CCZ1B: variants seen among roughly 807,000 people sequenced by gnomAD.
CCZ1B encodes the protein vacuolar fusion protein CCZ1 homolog B.
In CCZ1B, 25 loss-of-function variants were observed where a neutral mutation model predicts 58.8. The ratio of observed to expected loss-of-function variants is 0.43; its 90% CI spans 0.31 to 0.59. The LOEUF (loss-of-function observed/expected upper bound fraction) is 0.59. Ranked by LOEUF, CCZ1B falls within the 20% of genes least tolerant of loss-of-function variation. The pLI is 0.12. For synonymous variants in CCZ1B, 66 were observed against 173.2 expected (o/e 0.38, Z 4.86); for missense variants, 180 against 501.5 (o/e 0.36, Z 6.12).
Position 6,811,996 on chromosome 7 carries a change from T to G in CCZ1B, c.910A>C (p.Asn304His). ...AKCRFPKIFV[N>H]TDDTYEELHL... Reference sequence around the variant, plus strand: ...AGCTCTTCATAAGTGTCATCTGTATTTACAAAAATTTTGGGGAATCTGCAT... The same window carrying G: ...AGCTCTTCATAAGTGTCATCTGTATGTACAAAAATTTTGGGGAATCTGCAT... The change falls in exon 10 of 15, where the codon AAT becomes CAT. Residue 304 changes from asparagine (N) to histidine (H), a missense_variant. By Grantham distance (68) the Asn-to-His change is moderately conservative (BLOSUM62 1). Coordinates refer to ENST00000316731, the MANE Select transcript of CCZ1B (RefSeq NM_198097.5). 1 of 1,581,112 alleles carries G rather than the reference T, an allele frequency of 6.3e-7. No individual in the cohort carries two copies. Among genetic ancestry groups the G allele is most frequent in the Non-Finnish European group, 8.6e-7 (1 of 1,158,180 alleles).
intron 8 of CCZ1B, among the ~76,000 whole-genome samples, chr7:6,813,407 G>C (rs151196650): frequency 6.7e-6 from 1 of 149,396 alleles, no homozygotes; most frequent in African/African-American, 2.5e-5. Context: ...GCAACATGAC[G>C]AGATCCCATC....
At chr7:6,818,909 G>A (rs1273189070) in intron 7 of CCZ1B, among the ~76,000 whole-genome samples, 1 of 148,158 alleles carries the variant, frequency 6.7e-6, no homozygotes, top group African/African-American at 2.6e-5. Flanking sequence ...CCTACTGCAG[G>A]ACACAAACCT....
At position 6,824,628 on chromosome 7, in the gene CCZ1B, T is replaced by G; in HGVS notation, c.218+12A>C. On this transcript the variant is annotated intron_variant, in intron 2 of 14. Coordinates refer to ENST00000316731, the MANE Select transcript of CCZ1B (RefSeq NM_198097.5). ...ATTCACTGAACGCTAAAGGCACACT[T>G]AGAGGTATTACCTTGTAAACTGTAC... 1 of 1,612,456 alleles carries G rather than the reference T, an allele frequency of 6.2e-7. No homozygotes were observed.
At chr7:6,821,613 C>A (rs1376371465) in intron 6 of CCZ1B, among the ~76,000 whole-genome samples, 1 of 151,278 alleles carries the variant, frequency 6.6e-6, no homozygotes, top group Non-Finnish European at 1.5e-5. Context: ...CTAGGCTAGG[C>A]GAGTTGGCTC....
intron 10 of CCZ1B, among the ~76,000 whole-genome samples, chr7:6,807,849 C>T (rs1782856705): frequency 4.6e-5 from 5 of 109,398 alleles, no homozygotes. Context: ...CAATGACCTT[C>T]AGCAGGATAT....
At position 6,819,944 on chromosome 7, in the gene CCZ1B, G is replaced by T. The variant is rs551512683; in HGVS notation, c.523-3C>A. On this transcript the variant is annotated splice_polypyrimidine_tract_variant and splice_region_variant and intron_variant, in intron 6 of 14. Transcript: ENST00000316731. The stretch of plus-strand genomic sequence containing the variant: ...TGCAAATGTAGCGTTTGCAAATACT[G>T]TGGAAAAAAAATAAGGCATAAAATT... The T allele has an allele frequency of 1.2e-6, 2 of 1,606,074 alleles. No homozygotes were observed. Among genetic ancestry groups the T allele is most frequent in the East Asian group, 4.5e-5 (2 of 44,852 alleles).
At position 6,814,828 on chromosome 7, in the gene CCZ1B, T is replaced by C. The variant is rs1305370976; in HGVS notation, c.716A>G (p.Asp239Gly). 40 of 1,606,230 alleles carry C rather than the reference T, an allele frequency of 2.5e-5. 1 individual carries two copies. Among genetic ancestry groups the C allele is most frequent in the African/African-American group, 4.2e-5 (3 of 71,432 alleles). ...DQLIWSGLEQDDMRILYKYLT... is the reference protein window; with the variant it reads ...DQLIWSGLEQGDMRILYKYLT... ...GTATTTGTATAAAATTCTCATGTCA[T>C]CTTGTTCTAATCCACTCCTGCAACA... is the stretch of plus-strand genomic sequence containing the variant. Residue 239 changes from aspartate to glycine, a missense_variant, in exon 8 of 15, where the codon GAT becomes GGT. Coordinates refer to ENST00000316731, the MANE Select transcript of CCZ1B (RefSeq NM_198097.5).
At chr7:6,821,477 G>C (rs1384627470) in intron 6 of CCZ1B, among the ~76,000 whole-genome samples, 2 of 152,306 alleles carry the variant, frequency 1.3e-5, no homozygotes, top group Admixed American at 6.5e-5. Flanking sequence ...ACAAAGAAAA[G>C]TAATTCAGAG....
intron 10 of CCZ1B, among the ~76,000 whole-genome samples, chr7:6,810,089 G>A (rs1423114380): frequency 6.6e-6 from 1 of 150,476 alleles, no homozygotes; most frequent in Non-Finnish European, 1.5e-5. Flanking sequence ...TCAGCTCACT[G>A]CAACCTCCGC....
At position 6,821,882 on chromosome 7, in the gene CCZ1B, G is replaced by A. The variant is rs1233078753; in HGVS notation, c.522+399C>T. 2.7e-5 allele frequency among the ~76,000 whole-genome samples: 4 copies of A among 149,702 alleles called. 1 individual carries two copies. The East Asian group carries it at 5.8e-4, about 22-fold the overall frequency. ...TCTTACCTACATCAAGACAGTTTAC[G>A]CCCGTTTAGTGAACAGAACCAATCC... is the stretch of plus-strand genomic sequence containing the variant. On this transcript the variant is annotated intron_variant, in intron 6 of 14. Coordinates refer to ENST00000316731, the MANE Select transcript of CCZ1B (RefSeq NM_198097.5).
At chr7:6,810,104 C>T (rs201814537) in intron 10 of CCZ1B, among the ~76,000 whole-genome samples, 11,387 of 149,284 alleles carry the variant, frequency 0.076, 105 homozygotes, top group East Asian at 0.23. Flanking sequence ...CTCCGCCTCG[C>T]GGGTACAAGT....
chr7:6,824,983 TAAG>T (rs3216989), intron 1 of CCZ1B, among the ~76,000 whole-genome samples: 6 of 149,432 alleles, frequency 4.0e-5, no homozygotes, highest in South Asian at 2.1e-4. Flanking sequence ...TTATTTAAAA[TAAG>T]AAGAAGAACA....
intron 12 of CCZ1B, among the ~76,000 whole-genome samples, chr7:6,804,282 G>A (rs1354248318): frequency 8.1e-6 from 1 of 123,416 alleles, no homozygotes; most frequent in Admixed American, 9.2e-5. Flanking sequence ...AAGGAGCCGG[G>A]CATGGTGGTG....
At chr7:6,810,338 T>C (rs1782900080) in intron 10 of CCZ1B, among the ~76,000 whole-genome samples, 2 of 149,176 alleles carry the variant, frequency 1.3e-5, no homozygotes, top group Non-Finnish European at 3.0e-5. Flanking sequence ...GTCTTATCTG[T>C]GGTTGACAGC....
rs147596025 is a variant in CCZ1B at position 6,823,335 on chromosome 7, C to T, written c.416G>A (p.Arg139Gln). 5,411 of 1,607,554 alleles carry T rather than the reference C, an allele frequency of 3.4e-3. 67 individuals are homozygous for T. The highest frequency in any genetic ancestry group is 4.4e-3 in the Non-Finnish European group (5,214 of 1,177,686). ...TACCTTGTACATGCTGTAGCACTGCCGCAGCACCGAGCTATAAACCTTGTC... is the reference window on the plus strand; with the variant it reads ...TACCTTGTACATGCTGTAGCACTGCTGCAGCACCGAGCTATAAACCTTGTC... The part of the protein sequence containing the change: ...LLDKVYSSVL[R>Q]QCYSMYKLFN... The change falls in exon 5 of 15, where the codon CGG becomes CAG. Residue 139 changes from arginine (R) to glutamine (Q), a missense_variant. By Grantham distance (43) the Arg-to-Gln change is conservative. Coordinates refer to ENST00000316731, the MANE Select transcript of CCZ1B (RefSeq NM_198097.5).
intron 7 of CCZ1B, among the ~76,000 whole-genome samples, chr7:6,815,299 G>A (rs1782983295): frequency 6.7e-6 from 1 of 148,234 alleles, no homozygotes; most frequent in African/African-American, 2.6e-5. Flanking sequence ...CAGACTAGCT[G>A]GGACTACAGG....
chr7:6,817,803 A>AGGAGT lies in CCZ1B; in HGVS notation c.698+1958_698+1962dup, dbSNP rs558811302. ...CGAGGTGGGCGGATCCTTTGAGGTC[A>AGGAGT]GGAGTTCGAGACCAGCCTGGCCAAC... On this transcript the variant is annotated intron_variant, in intron 7 of 14. Transcript: ENST00000316731. Among the ~76,000 whole-genome samples, 30 of 149,676 alleles carry AGGAGT rather than the reference A, an allele frequency of 2.0e-4. No homozygotes were observed. In the East Asian group the frequency reaches 5.8e-3, roughly 29 times the overall value.
rs1237857897 is a variant in CCZ1B at position 6,808,506 on chromosome 7, C to T, written c.955-2469G>A. Among the ~76,000 whole-genome samples the T allele has an allele frequency of 6.4e-4, 96 of 150,422 alleles. 1 individual carries two copies. Among genetic ancestry groups the T allele is most frequent in the Middle Eastern group, 6.8e-3 (2 of 294 alleles). On this transcript the variant is annotated intron_variant, in intron 10 of 14. Transcript: ENST00000316731. ...GGTGGCTCCTGGGCCCTGCCCCACA[C>T]GCCTCTTCCCCGGGCTGATTTTAAC...
intron 1 of CCZ1B, among the ~76,000 whole-genome samples, chr7:6,824,998 G>A (rs1427436774): frequency 2.0e-5 from 3 of 149,646 alleles, no homozygotes; most frequent in Non-Finnish European, 4.4e-5. Flanking sequence ...AGAAGAACAG[G>A]AATGATCTCA....
Sources: allele counts gnomAD v4.1 joint callset (sites outside exome capture counted in the v4.1 genomes callset), GRCh38; gene constraint gnomAD v4.1.1; transcripts MANE v1.5; gene names NCBI Gene and HGNC (gene_info 2026-07-23, HGNC 2026-07-21).